Variants in ZNF423 observed in about 807,000 individuals in gnomAD.
ZNF423 encodes the protein Ebf-associated zinc finger protein.
Under a neutral mutation model 95.8 loss-of-function variants are expected in ZNF423, and 12 were observed. The ratio of observed to expected loss-of-function variants is 0.13; its 90% confidence interval spans 0.08 to 0.20. The LOEUF (loss-of-function observed/expected upper bound fraction) is 0.20, where lower values mean the gene tolerates loss of function less well. Among genes scored for constraint, ZNF423 ranks in the 10% least tolerant of loss-of-function variants. The pLI, the probability that ZNF423 is intolerant of heterozygous loss-of-function variation, is 1.00. For missense variants in ZNF423, 1,316 were observed against 1,737.1 expected (o/e 0.76, Z 4.31); for synonymous variants, 749 against 711.9 (o/e 1.05, Z -0.83).
At chr16:49,554,744 CA>C (rs1969764080) in intron 5 of ZNF423, among the ~76,000 whole-genome samples, 2 of 151,820 alleles carry the variant, frequency 1.3e-5, no homozygotes, top group South Asian at 4.2e-4. Flanking sequence ...AGGAAATTTG[CA>C]AAATACAAAA....
At chr16:49,780,311 G>C (rs745499333) in intron 2 of ZNF423, among the ~76,000 whole-genome samples, 1 of 152,210 alleles carries the variant, frequency 6.6e-6, no homozygotes, top group Non-Finnish European at 1.5e-5. Context: ...CAGAGGAAAA[G>C]GGTGGGCAGG....
At chr16:49,654,232 G>A (rs1352738699) in intron 3 of ZNF423, among the ~76,000 whole-genome samples, 2 of 152,166 alleles carry the variant, frequency 1.3e-5, no homozygotes, top group Non-Finnish European at 2.9e-5. Flanking sequence ...CCTTCATTCA[G>A]GCCATGGTGG....
chr16:49,735,383 C>T (rs1231409460), intron 2 of ZNF423, among the ~76,000 whole-genome samples: 3 of 152,194 alleles, frequency 2.0e-5, no homozygotes, highest in East Asian at 3.9e-4. Flanking sequence ...GCATCACGTG[C>T]ACTCATGCTT....
chr16:49,848,368 T>C (rs1168412686), intron 1 of ZNF423, among the ~76,000 whole-genome samples: 2 of 152,218 alleles, frequency 1.3e-5, no homozygotes, highest in Non-Finnish European at 2.9e-5. Context: ...AGCATAATGC[T>C]TGAATTACCT....
At chr16:49,726,891 G>C (rs1326001949) in intron 3 of ZNF423, among the ~76,000 whole-genome samples, 1 of 140,508 alleles carries the variant, frequency 7.1e-6, no homozygotes, top group African/African-American at 2.7e-5. Context: ...AAATGGCGAA[G>C]ACCAGGTAAC....
intron 3 of ZNF423, among the ~76,000 whole-genome samples, chr16:49,643,953 G>A (rs73567536): frequency 0.021 from 3,238 of 152,330 alleles, 119 homozygotes; most frequent in African/African-American, 0.074. Flanking sequence ...CCAGCATGGA[G>A]CAGGACATGA....
intron 5 of ZNF423, among the ~76,000 whole-genome samples, chr16:49,596,880 T>C (rs551446267): frequency 6.6e-5 from 10 of 152,310 alleles, no homozygotes; most frequent in African/African-American, 2.2e-4. Flanking sequence ...GGATGGAATA[T>C]GGCAGGGCCA....
chr16:49,855,324 C>T lies in ZNF423; in HGVS notation c.40+411G>A, dbSNP rs1234393399. ...CTCGCCGCCTCTTCCTTCCTCCTGT[C>T]GCCCGCCCGCCGCCGCCGAGATTCG... On this transcript the variant is annotated intron_variant, in intron 1 of 7. Transcript: ENST00000563137. This position sits in a 1 kb window ranked among gnomAD's most constrained non-coding sequence, Gnocchi z 4.7. Among the ~76,000 whole-genome samples the T allele has an allele frequency of 2.6e-5, 4 of 151,542 alleles. No homozygotes were observed. The highest frequency in any genetic ancestry group is 9.7e-5 in the African/African-American group (4 of 41,330).
intron 3 of ZNF423, among the ~76,000 whole-genome samples, chr16:49,698,080 T>C (rs1040413647): frequency 2.6e-5 from 4 of 152,232 alleles, no homozygotes; most frequent in Non-Finnish European, 5.9e-5. Flanking sequence ...AGTGCGGCAC[T>C]CTTACAAAGA....
rs552839268 is a variant in ZNF423 at position 49,523,698 on chromosome 16, C to T, written c.3775G>A (p.Val1259Met). The T allele has an allele frequency of 2.0e-5, 32 of 1,613,988 alleles. No homozygotes were observed. The East Asian group carries it at 2.4e-4, about 12-fold the overall frequency. ...TAGATCTTGTCCTCCTGCCCGTGCA[C>T]GGCAAAGATGTGCTGCTGCAACTTG... ...ANKLQQHIFA[V>M]HGQEDKIYDC... Residue 1259 changes from valine (V) to methionine (M), a missense_variant, in exon 7 of 8, where the codon GTG becomes ATG. Val to Met is a conservative substitution (Grantham distance 21). Around this residue, in one of 6 missense-constraint regions of ZNF423, gnomAD observed 75 missense variants for 163.5 expected, o/e 0.46. Transcript: ENST00000563137.
At chr16:49,834,409 GA>G (rs912341417) in intron 1 of ZNF423, among the ~76,000 whole-genome samples, 1 of 152,252 alleles carries the variant, frequency 6.6e-6, no homozygotes, top group Non-Finnish European at 1.5e-5. Context: ...GAGGCCCAGA[GA>G]GGGTTGGTGG....
chr16:49,679,990 A>C (rs12934989), intron 3 of ZNF423, among the ~76,000 whole-genome samples: 16 of 152,162 alleles, frequency 1.1e-4, no homozygotes, highest in Non-Finnish European at 1.5e-5. Flanking sequence ...CTGACTCTTC[A>C]GGACAACCTA....
intron 5 of ZNF423, among the ~76,000 whole-genome samples, chr16:49,549,194 C>T (rs763709169): frequency 4.6e-5 from 7 of 152,012 alleles, no homozygotes; most frequent in Non-Finnish European, 5.9e-5. Flanking sequence ...TTCCTGGGGC[C>T]GTGGGGCTCT....
intron 1 of ZNF423, among the ~76,000 whole-genome samples, chr16:49,853,301 CG>C (rs146210483): frequency 3.8e-5 from 3 of 78,416 alleles, no homozygotes; most frequent in South Asian, 5.1e-4. Flanking sequence ...AGGGGCGGGG[CG>C]GGGGGGGAGC....
At chr16:49,834,768 T>A (rs1170352407) in intron 1 of ZNF423, among the ~76,000 whole-genome samples, 1 of 151,940 alleles carries the variant, frequency 6.6e-6, no homozygotes, top group Non-Finnish European at 1.5e-5. Flanking sequence ...GCAGGCTCCA[T>A]CCAGAGCCCG....
chr16:49,620,447 G>C (rs369785042), intron 5 of ZNF423, among the ~76,000 whole-genome samples: 1 of 152,164 alleles, frequency 6.6e-6, no homozygotes, highest in East Asian at 1.9e-4. Context: ...TGACAGCAGA[G>C]CCCAGCCCTT....
intron 5 of ZNF423, among the ~76,000 whole-genome samples, chr16:49,536,375 A>G (rs1200094257): frequency 2.0e-5 from 3 of 150,312 alleles, no homozygotes; most frequent in Admixed American, 2.0e-4. Flanking sequence ...TAAAAAGTAG[A>G]TCCACACTGT....
At chr16:49,622,896 T>C (rs755450483) in intron 5 of ZNF423, among the ~76,000 whole-genome samples, 4 of 152,186 alleles carry the variant, frequency 2.6e-5, no homozygotes, top group African/African-American at 7.2e-5. Context: ...TGCTGCATGC[T>C]ATGTGCAGTG....
intron 5 of ZNF423, among the ~76,000 whole-genome samples, chr16:49,530,460 G>A (rs1032840426): frequency 6.6e-5 from 10 of 152,018 alleles, no homozygotes; most frequent in Non-Finnish European, 1.2e-4. Context: ...CCCTCCCTCC[G>A]GCACACAGAC....
Sources: gnomAD v4.1 joint callset for allele counts (sites outside exome capture counted in the v4.1 genomes callset) on GRCh38, gnomAD v4.1.1 for gene constraint, gnomAD v4.1.1 regional missense constraint, Gnocchi (gnomAD v3.1) non-coding constraint, MANE v1.5 for transcripts, NCBI Gene and HGNC (gene_info 2026-07-23, HGNC 2026-07-21) for gene names.